GUCY1A2: variants seen among roughly 807,000 people sequenced by gnomAD.
The protein encoded by GUCY1A2 is guanylate cyclase 1 soluble subunit alpha 2, also known as guanylate cyclase soluble subunit alpha-2.
A neutral mutation model predicts 63.5 loss-of-function variants in GUCY1A2; 27 were observed. The ratio of observed to expected loss-of-function variants is 0.43; its 90% CI spans 0.31 to 0.59. The LOEUF is 0.59. Ranked by LOEUF, GUCY1A2 falls within the 20% of genes least tolerant of loss-of-function variation. The probability of loss-of-function intolerance (pLI) is 0.11; values close to 1 mark genes in which losing one functional copy is unlikely to be tolerated. For missense variants in GUCY1A2, 768 were observed against 913.3 expected (o/e 0.84, Z 2.05); for synonymous variants, 364 against 343.5 (o/e 1.06, Z -0.66).
chr11:106,682,578 G>A lies in GUCY1A2; in HGVS notation c.*4971C>T, dbSNP rs192544619. The A allele has an allele frequency of 1.1e-4, 24 of 212,342 alleles. No homozygotes were observed. Among genetic ancestry groups the A allele is most frequent in the African/African-American group, 2.0e-4 (9 of 44,296 alleles). 13.2% of individuals were successfully genotyped at this position (212,342 alleles called of 1,614,324 possible). A position where few individuals can be genotyped will look rare whatever the true frequency, so the allele number is the denominator to read the frequency against. The stretch of plus-strand genomic sequence containing the variant: ...GGCAATGAGGTACTTAACTGAAACC[G>A]TGATCTGGTTATAACATATTAGAAA... On this transcript the variant is annotated 3_prime_UTR_variant, in exon 8 of 8. Transcript: ENST00000526355.
chr11:106,761,686 A>G (rs1334806366), intron 6 of GUCY1A2, among the ~76,000 whole-genome samples: 1 of 152,200 alleles, frequency 6.6e-6, no homozygotes, highest in African/African-American at 2.4e-5. Context: ...AGGCATAAAC[A>G]ACCCTTGAAG....
At chr11:106,874,163 G>A (rs769395744) in intron 4 of GUCY1A2, among the ~76,000 whole-genome samples, 4 of 151,994 alleles carry the variant, frequency 2.6e-5, no homozygotes, top group East Asian at 1.9e-4. Context: ...TAATTAATAT[G>A]TAATCAAAAA....
chr11:107,008,139 C>T (rs993474842), intron 1 of GUCY1A2, among the ~76,000 whole-genome samples: 1 of 149,398 alleles, frequency 6.7e-6, no homozygotes, highest in Non-Finnish European at 1.5e-5. Context: ...ATTAGCCAGG[C>T]ATGGTGGCAT....
At chr11:106,919,223 T>C (rs925655405) in intron 4 of GUCY1A2, among the ~76,000 whole-genome samples, 2 of 152,128 alleles carry the variant, frequency 1.3e-5, no homozygotes, top group African/African-American at 4.8e-5. Flanking sequence ...CATAAGAATA[T>C]ATAATCACAA....
At chr11:106,699,182 A>G (rs1264731698) in intron 7 of GUCY1A2, among the ~76,000 whole-genome samples, 2 of 152,228 alleles carry the variant, frequency 1.3e-5, no homozygotes, top group Non-Finnish European at 2.9e-5. Context: ...GGACATCTAA[A>G]AGAACCTTCA....
At chr11:106,729,387 A>C (rs1253822297) in intron 6 of GUCY1A2, among the ~76,000 whole-genome samples, 1 of 152,136 alleles carries the variant, frequency 6.6e-6, no homozygotes, top group African/African-American at 2.4e-5. Flanking sequence ...TGAATGACTA[A>C]AATATGTTTT....
chr11:106,949,627 T>C (rs1324136686), intron 3 of GUCY1A2, among the ~76,000 whole-genome samples: 3 of 152,118 alleles, frequency 2.0e-5, no homozygotes, highest in Non-Finnish European at 2.9e-5. Context: ...ACCCCCAGCC[T>C]AATATTTCCC....
At chr11:106,881,819 A>C (rs1425840820) in intron 4 of GUCY1A2, among the ~76,000 whole-genome samples, 1 of 152,060 alleles carries the variant, frequency 6.6e-6, no homozygotes, top group Non-Finnish European at 1.5e-5. Flanking sequence ...GCATGAACAC[A>C]CACTTAGTTT....
chr11:106,861,641 T>C (rs1194338056), intron 4 of GUCY1A2, among the ~76,000 whole-genome samples: 2 of 152,048 alleles, frequency 1.3e-5, no homozygotes, highest in Non-Finnish European at 2.9e-5. Flanking sequence ...CAGAGATGTG[T>C]ATAAAAGAAT....
intron 4 of GUCY1A2, among the ~76,000 whole-genome samples, chr11:106,888,564 C>G (rs377616950): frequency 9.2e-5 from 14 of 152,094 alleles, no homozygotes; most frequent in African/African-American, 3.4e-4. Flanking sequence ...GAAAGTGACA[C>G]GATTGTTTTT....
chr11:106,721,939 A>G (rs1261532374), intron 6 of GUCY1A2, among the ~76,000 whole-genome samples: 1 of 152,170 alleles, frequency 6.6e-6, no homozygotes, highest in Non-Finnish European at 1.5e-5. Flanking sequence ...GATTTCTCAA[A>G]TTTTGAGAAC....
intron 7 of GUCY1A2, among the ~76,000 whole-genome samples, chr11:106,692,811 C>T (rs1862648133): frequency 1.3e-5 from 2 of 152,096 alleles, no homozygotes. Context: ...TTGAGTTTTG[C>T]TGAAAATGTC....
chr11:106,854,412 T>C (rs150133234), intron 4 of GUCY1A2, among the ~76,000 whole-genome samples: 65 of 152,266 alleles, frequency 4.3e-4, no homozygotes, highest in African/African-American at 1.3e-3. Flanking sequence ...TGACAGCAGA[T>C]GGCAGCAGGT....
At chr11:106,992,472 G>A (rs867475631) in intron 1 of GUCY1A2, among the ~76,000 whole-genome samples, 108 of 151,924 alleles carry the variant, frequency 7.1e-4, no homozygotes, top group African/African-American at 2.3e-3. Flanking sequence ...TGGGACTACA[G>A]GCACCCGCCT....
intron 6 of GUCY1A2, among the ~76,000 whole-genome samples, chr11:106,740,689 T>TG (rs1565274749): frequency 2.7e-5 from 4 of 149,454 alleles, no homozygotes; most frequent in African/African-American, 9.7e-5. Context: ...TATGTATGTA[T>TG]TTAGAGACAG....
At chr11:106,956,288 C>A (rs1240476592) in intron 3 of GUCY1A2, among the ~76,000 whole-genome samples, 1 of 151,922 alleles carries the variant, frequency 6.6e-6, no homozygotes, top group Non-Finnish European at 1.5e-5. Context: ...TCTGTCAATC[C>A]GTCCATCTGA....
At chr11:106,726,467 T>C (rs1214130949) in intron 6 of GUCY1A2, among the ~76,000 whole-genome samples, 1 of 152,020 alleles carries the variant, frequency 6.6e-6, no homozygotes, top group South Asian at 2.1e-4. Flanking sequence ...TAAGTGTATA[T>C]ATATTGGGTA....
At chr11:106,881,576 A>G (rs1459858254) in intron 4 of GUCY1A2, among the ~76,000 whole-genome samples, 4 of 152,006 alleles carry the variant, frequency 2.6e-5, no homozygotes, top group Non-Finnish European at 5.9e-5. Context: ...GTGAAAAAGA[A>G]TAAGAAAATG....
intron 4 of GUCY1A2, among the ~76,000 whole-genome samples, chr11:106,917,256 A>G (rs575708457): frequency 6.9e-6 from 1 of 145,506 alleles, no homozygotes; most frequent in African/African-American, 2.4e-5. Flanking sequence ...CAGACGAAAC[A>G]AGCAGCATAT....
Sources: gnomAD v4.1 joint callset for allele counts (sites outside exome capture counted in the v4.1 genomes callset) on GRCh38, gnomAD v4.1.1 for gene constraint, MANE v1.5 for transcripts, NCBI Gene and HGNC (gene_info 2026-07-23, HGNC 2026-07-21) for gene names.